The following SEC23IP variants were observed in gnomAD, a reference collection of about 807,000 sequenced individuals.
The protein encoded by SEC23IP is SEC23-interacting protein.
In SEC23IP, 70 loss-of-function variants were observed where a neutral mutation model predicts 113.4. The observed-to-expected ratio is 0.62, with a 90% confidence interval of 0.51 to 0.75. The LOEUF (loss-of-function observed/expected upper bound fraction) is 0.75, where lower values mean the gene tolerates loss of function less well. Ranked by LOEUF, SEC23IP falls within the 30% of genes least tolerant of loss-of-function variation. SEC23IP has a pLI of 0.00. For missense variants in SEC23IP, 1,160 were observed against 1,204.9 expected, an observed-to-expected ratio of 0.96 and a Z score of 0.55; for synonymous variants, 398 against 421.0, an observed-to-expected ratio of 0.95 and a Z score of 0.67.
Position 119,909,144 on chromosome 10 carries a change from T to G in SEC23IP, c.1191+14T>G, listed in dbSNP as rs3740570. 105,397 of 1,553,532 alleles carry G rather than the reference T, an allele frequency of 0.068. 5,982 individuals are homozygous for G. The highest frequency in any genetic ancestry group is 0.24 in the South Asian group (20,685 of 84,844). On this transcript the variant is annotated intron_variant, in intron 5 of 18. Transcript: ENST00000369075. The stretch of plus-strand genomic sequence containing the variant: ...CACAATCCAAAGGTAATGATGGTGT[T>G]CAAAATTTTAAGGTATTAAGTTCAT...
chr10:119,938,460 G>C (rs1201032558), intron 18 of SEC23IP, among the ~76,000 whole-genome samples: 1 of 152,062 alleles, frequency 6.6e-6, no homozygotes, highest in Non-Finnish European at 1.5e-5. Flanking sequence ...TAGATGTTTA[G>C]TCCCCCACTT....
chr10:119,895,501 C>T (rs939283284), intron 1 of SEC23IP, among the ~76,000 whole-genome samples: 4 of 152,182 alleles, frequency 2.6e-5, no homozygotes, highest in Admixed American at 6.5e-5. Flanking sequence ...TGTATACACA[C>T]ACACCCACCT....
At chr10:119,923,953 G>C (rs191652945) in intron 12 of SEC23IP, among the ~76,000 whole-genome samples, 1 of 152,206 alleles carries the variant, frequency 6.6e-6, no homozygotes, top group Non-Finnish European at 1.5e-5. Flanking sequence ...TCCTTAGACA[G>C]CTCTCAGCAA....
chr10:119,908,276 G>A (rs1854746611), intron 4 of SEC23IP, among the ~76,000 whole-genome samples: 1 of 152,106 alleles, frequency 6.6e-6, no homozygotes, highest in South Asian at 2.1e-4. Flanking sequence ...GAAAAAGTCA[G>A]TCCTGGGTGG....
In SEC23IP at chr10:119,926,178, T is replaced by A. The variant is rs1377183771; in HGVS notation, c.2264T>A (p.Val755Glu). The A allele has an allele frequency of 6.2e-7, 1 of 1,614,128 alleles. No individual in the cohort carries two copies. The highest frequency in any genetic ancestry group is 8.5e-7 in the Non-Finnish European group (1 of 1,180,002). Residue 755 changes from valine to glutamate, a missense_variant, in exon 13 of 19, where the codon GTG becomes GAG. Coordinates refer to ENST00000369075, the MANE Select transcript of SEC23IP (RefSeq NM_007190.4). Reference sequence around the variant, plus strand: ...AGGAAACTTCCAGTTGGTGCTTGCGTGTCTTCTGTGTGTGTGAATTATGAA... The same window carrying A: ...AGGAAACTTCCAGTTGGTGCTTGCGAGTCTTCTGTGTGTGTGAATTATGAA... ...PKRKLPVGAC[V>E]SSVCVNYESF...
chr10:119,909,361 C>CAATTTT (rs1447607041), intron 5 of SEC23IP, among the ~76,000 whole-genome samples: 1 of 152,024 alleles, frequency 6.6e-6, no homozygotes, highest in African/African-American at 2.4e-5. Flanking sequence ...AGGTGCACAC[C>CAATTTT]TGTGAGAGGC....
In SEC23IP at chr10:119,892,738, G is replaced by A. The variant is rs1854130656; in HGVS notation, c.-45G>A. ...GTGATCGGTTTCCGGTCAGTGGTGT[G>A]GTACCGGGTACCCGGAGACGTGTAT... On this transcript the variant is annotated 5_prime_UTR_variant, in exon 1 of 19. Coordinates refer to ENST00000369075, the MANE Select transcript of SEC23IP (RefSeq NM_007190.4). 1.9e-6 allele frequency: 3 copies of A among 1,557,698 alleles called. No individual in the cohort carries two copies. The highest frequency in any genetic ancestry group is 2.6e-6 in the Non-Finnish European group (3 of 1,150,032).
chr10:119,908,460 GC>G (rs1854751849), intron 4 of SEC23IP, among the ~76,000 whole-genome samples: 1 of 152,284 alleles, frequency 6.6e-6, no homozygotes, highest in East Asian at 1.9e-4. Context: ...TAGGGTCATT[GC>G]AGATGTAATT....
chr10:119,913,027 A>C (rs535583148), intron 6 of SEC23IP, among the ~76,000 whole-genome samples: 171 of 152,312 alleles, frequency 1.1e-3, no homozygotes, highest in African/African-American at 3.9e-3. Context: ...TTATTCCTTC[A>C]ACATACCTGT....
chr10:119,930,043 A>AT (rs200468256), intron 14 of SEC23IP, among the ~76,000 whole-genome samples: 2,917 of 152,274 alleles, frequency 0.019, 46 homozygotes, highest in Middle Eastern at 0.041. Flanking sequence ...ACCTATCTTG[A>AT]TTTTATAAGG....
intron 1 of SEC23IP, 146 bp downstream of exon 1, chr10:119,893,091 C>CGG (rs2134441139): frequency 1.2e-6 from 1 of 858,460 alleles, no homozygotes; most frequent in East Asian, 2.9e-5. Context: ...TTGAGTGGGT[C>CGG]GGGGGCTTTG....
intron 15 of SEC23IP, among the ~76,000 whole-genome samples, chr10:119,930,668 AG>A (rs1264376059): frequency 6.6e-6 from 1 of 152,240 alleles, no homozygotes; most frequent in African/African-American, 2.4e-5. Flanking sequence ...GTTGGTAATA[AG>A]GCAATAAGAT....
chr10:119,933,972 TAC>T (rs1221452680), intron 18 of SEC23IP, among the ~76,000 whole-genome samples, 185 bp downstream of exon 18: 1 of 152,262 alleles, frequency 6.6e-6, no homozygotes, highest in African/African-American at 2.4e-5. Flanking sequence ...TCTGATTTAT[TAC>T]AGTCTTCTTT....
In SEC23IP at chr10:119,902,802, C is replaced by T; in HGVS notation, c.700C>T (p.Pro234Ser). The stretch of plus-strand genomic sequence containing the variant: ...TTAACTTTGCCGTCCCCTCCAGGTT[C>T]CTTCTTCAGTGCAGTCACCGGCACA... Reference protein sequence around the residue: ...QMPPGSLPPVPSSVQSPAQQQ... With the variant: ...QMPPGSLPPVSSSVQSPAQQQ... The change falls in exon 3 of 19, where the codon CCT (proline) becomes TCT (serine). Residue 234 changes from proline to serine, a missense_variant. Physicochemically the swap from Pro to Ser is moderately conservative, Grantham distance 74. Transcript: ENST00000369075. 1 of 1,613,742 alleles carries T rather than the reference C, an allele frequency of 6.2e-7. No individual in the cohort carries two copies.
At chr10:119,901,896 C>T (rs536423027) in intron 2 of SEC23IP, among the ~76,000 whole-genome samples, 13 of 152,026 alleles carry the variant, frequency 8.6e-5, no homozygotes, top group South Asian at 2.1e-4. Flanking sequence ...CATGTTGGCC[C>T]GGCTTGTCTC....
intron 3 of SEC23IP, among the ~76,000 whole-genome samples, chr10:119,903,331 A>G (rs1311259396): frequency 6.6e-6 from 1 of 151,908 alleles, no homozygotes; most frequent in Non-Finnish European, 1.5e-5. Context: ...ATTCTGTGGA[A>G]CTCTCTATCC....
At chr10:119,906,788 A>G (rs1443807644) in intron 4 of SEC23IP, among the ~76,000 whole-genome samples, 1 of 151,362 alleles carries the variant, frequency 6.6e-6, no homozygotes, top group Non-Finnish European at 1.5e-5. Flanking sequence ...GTTGGCCAGG[A>G]TGGTCTCGAA....
At chr10:119,899,069 T>C (rs1854390236) in intron 2 of SEC23IP, 110 bp downstream of exon 2, 1 of 975,890 alleles carries the variant, frequency 1.0e-6, no homozygotes. Flanking sequence ...GGTGACAAAT[T>C]AGTTTCAGAG....
rs1438656235 is a variant in SEC23IP at position 119,942,854 on chromosome 10, T to C, written c.*2289T>C. On this transcript the variant is annotated 3_prime_UTR_variant, in exon 19 of 19. Coordinates refer to ENST00000369075, the MANE Select transcript of SEC23IP (RefSeq NM_007190.4). ...AGCATGTTTTCTCAAAACCACAGTATAAGACAAGGAAACTGCACAGATTCG... is the reference window on the plus strand; with the variant it reads ...AGCATGTTTTCTCAAAACCACAGTACAAGACAAGGAAACTGCACAGATTCG... The C allele has an allele frequency of 2.0e-5, 3 of 152,148 alleles. No individual in the cohort carries two copies. The highest frequency in any genetic ancestry group is 4.4e-5 in the Non-Finnish European group (3 of 68,042). The allele number at this position is 152,148 out of a possible 1,614,324, so 9.4% of individuals were successfully genotyped here.
Sources: allele counts gnomAD v4.1 joint callset (sites outside exome capture counted in the v4.1 genomes callset), GRCh38; gene constraint gnomAD v4.1.1; transcripts MANE v1.5; gene names NCBI Gene and HGNC (gene_info 2026-07-23, HGNC 2026-07-21).